The following ARID4B variants were observed in gnomAD, a reference collection of about 807,000 sequenced individuals.
ARID4B encodes the protein AT-rich interaction domain 4B, also known as AT-rich interactive domain-containing protein 4B.
A neutral mutation model predicts 147.5 loss-of-function variants in ARID4B; 26 were observed. The ratio of observed to expected loss-of-function variants is 0.18; its 90% CI spans 0.13 to 0.24. The LOEUF (loss-of-function observed/expected upper bound fraction) is 0.24, where lower values mean the gene tolerates loss of function less well. Ranked by LOEUF, ARID4B falls within the 10% of genes least tolerant of loss-of-function variation. The probability of loss-of-function intolerance (pLI) is 1.00; values close to 1 mark genes in which losing one functional copy is unlikely to be tolerated. For synonymous variants in ARID4B, 512 were observed against 507.9 expected, an observed-to-expected ratio of 1.01 and a Z score of -0.11; for missense variants, 1,179 against 1,511.5, an observed-to-expected ratio of 0.78 and a Z score of 3.65.
intron 2 of ARID4B, among the ~76,000 whole-genome samples, chr1:235,324,664 C>T (rs1202924415): frequency 1.3e-5 from 2 of 152,164 alleles, no homozygotes; most frequent in African/African-American, 2.4e-5. Flanking sequence ...ACACCAGGCA[C>T]GGTGACTCTC....
chr1:235,304,991 C>G (rs7553599), intron 2 of ARID4B, among the ~76,000 whole-genome samples: 19,994 of 152,180 alleles, frequency 0.13, 1,528 homozygotes, highest in African/African-American at 0.2. Flanking sequence ...ATCCGAATCT[C>G]CAAAACATGT....
chr1:235,219,414 C>T (rs1220507622), intron 16 of ARID4B, among the ~76,000 whole-genome samples: 1 of 152,198 alleles, frequency 6.6e-6, no homozygotes, highest in East Asian at 1.9e-4. Context: ...TAGTATTTTT[C>T]CACTCTTGCT....
At chr1:235,209,155 T>C (rs1427581116) in intron 17 of ARID4B, among the ~76,000 whole-genome samples, 1 of 152,156 alleles carries the variant, frequency 6.6e-6, no homozygotes, top group Non-Finnish European at 1.5e-5. Flanking sequence ...AGCTGTGAAA[T>C]AGGGACATAC....
intron 2 of ARID4B, among the ~76,000 whole-genome samples, chr1:235,293,798 C>G (rs980173267): frequency 6.6e-6 from 1 of 151,874 alleles, no homozygotes; most frequent in Non-Finnish European, 1.5e-5. Context: ...TCCATGGTAA[C>G]TAGGCATTAA....
At chr1:235,194,465 A>G (rs1419918558) in intron 18 of ARID4B, among the ~76,000 whole-genome samples, 1 of 152,200 alleles carries the variant, frequency 6.6e-6, no homozygotes, top group Non-Finnish European at 1.5e-5. Flanking sequence ...GGTGATTAGG[A>G]CTAGCAAACC....
chr1:235,256,360 T>A (rs1189161475), intron 4 of ARID4B, among the ~76,000 whole-genome samples: 1 of 152,058 alleles, frequency 6.6e-6, no homozygotes, highest in Non-Finnish European at 1.5e-5. Flanking sequence ...AGTACCACCA[T>A]CTGTGAAACT....
intron 2 of ARID4B, among the ~76,000 whole-genome samples, chr1:235,294,859 T>C (rs777868060): frequency 9.2e-5 from 14 of 151,440 alleles, no homozygotes; most frequent in Non-Finnish European, 1.8e-4. Context: ...CATGTAAATA[T>C]TTTACATCAA....
chr1:235,214,729 T>A (rs1478264481), intron 16 of ARID4B, among the ~76,000 whole-genome samples: 2 of 151,638 alleles, frequency 1.3e-5, no homozygotes, highest in Admixed American at 6.6e-5. Flanking sequence ...TATTAACATC[T>A]TCTACAAATC....
intron 2 of ARID4B, among the ~76,000 whole-genome samples, chr1:235,291,167 T>A (rs1359531355): frequency 6.6e-6 from 1 of 151,850 alleles, no homozygotes; most frequent in African/African-American, 2.4e-5. Context: ...GATGCGGAGG[T>A]GGGCAGATCA....
intron 3 of ARID4B, among the ~76,000 whole-genome samples, chr1:235,260,145 A>G (rs1374571412): frequency 6.6e-6 from 1 of 152,258 alleles, no homozygotes; most frequent in Non-Finnish European, 1.5e-5. Context: ...AAGGCAGAGC[A>G]TAAGGAGTCA....
At chr1:235,199,358 T>C (rs1318075888) in intron 17 of ARID4B, among the ~76,000 whole-genome samples, 1 of 152,208 alleles carries the variant, frequency 6.6e-6, no homozygotes, top group African/African-American at 2.4e-5. Context: ...CACTAAGTTT[T>C]TGCATTTTTT....
chr1:235,217,457 TAC>T (rs948937590), intron 16 of ARID4B, among the ~76,000 whole-genome samples: 3 of 129,886 alleles, frequency 2.3e-5, no homozygotes, highest in Non-Finnish European at 5.1e-5. Context: ...CATACATACA[TAC>T]ACACACATAT....
chr1:235,173,767 AAAAAATATATATAT>A (rs1663588056), intron 22 of ARID4B, among the ~76,000 whole-genome samples: 2 of 46,244 alleles, frequency 4.3e-5, no homozygotes, highest in African/African-American at 2.7e-4. Flanking sequence ...AAAAAAAAAA[AAAAAATATATATAT>A]ATATATATAT....
intron 19 of ARID4B, among the ~76,000 whole-genome samples, chr1:235,189,399 C>CAAAAAAAAAAAAAA (rs11299121): frequency 3.4e-5 from 2 of 58,920 alleles, no homozygotes; most frequent in African/African-American, 8.1e-5. Context: ...GACTCAGTCT[C>CAAAAAAAAAAAAAA]AAAAAAAAAA....
intron 7 of ARID4B, among the ~76,000 whole-genome samples, chr1:235,243,807 T>A (rs1428719799): frequency 6.6e-6 from 1 of 152,180 alleles, no homozygotes; most frequent in Non-Finnish European, 1.5e-5. Context: ...TGACAACGTA[T>A]ACATACCTTC....
At chr1:235,171,080 T>C (rs1663321523) in intron 23 of ARID4B, among the ~76,000 whole-genome samples, 1 of 152,210 alleles carries the variant, frequency 6.6e-6, no homozygotes, top group Middle Eastern at 3.2e-3. Flanking sequence ...TCATAACTTA[T>C]ATATTTCACT....
Position 235,192,417 on chromosome 1 carries a change from A to T in ARID4B, c.2125+1596T>A, listed in dbSNP as rs775501997. Among the ~76,000 whole-genome samples, 58 of 152,206 alleles carry T rather than the reference A, an allele frequency of 3.8e-4. 1 individual carries two copies. The highest frequency in any genetic ancestry group is 6.8e-4 in the Non-Finnish European group (46 of 68,034). On this transcript the variant is annotated intron_variant, in intron 19 of 23. Coordinates refer to ENST00000264183, the MANE Select transcript of ARID4B (RefSeq NM_016374.6). ...TATCCATATTATTACTGTTCTTTAA[A>T]CTATACATGTATTTTCCATGCACTA...
chr1:235,201,314 G>A (rs1665900635), intron 17 of ARID4B, among the ~76,000 whole-genome samples: 2 of 152,114 alleles, frequency 1.3e-5, no homozygotes, highest in African/African-American at 2.4e-5. Flanking sequence ...ACATTCTTAA[G>A]GAATACGAGA....
intron 11 of ARID4B, chr1:235,228,286 T>TTTTA (rs71172274): frequency 7.4e-5 from 3 of 40,688 alleles, no homozygotes; most frequent in African/African-American, 2.7e-4. Context: ...AGGTAGGTTC[T>TTTTA]TTTTTTTTTT....
Sources: gnomAD v4.1 joint callset for allele counts (sites outside exome capture counted in the v4.1 genomes callset) on GRCh38, gnomAD v4.1.1 for gene constraint, MANE v1.5 for transcripts, NCBI Gene and HGNC (gene_info 2026-07-23, HGNC 2026-07-21) for gene names.